Variants in HIPK2 observed in about 807,000 individuals in gnomAD.
The protein encoded by HIPK2 is homeodomain-interacting protein kinase 2.
HIPK2 carries 27 observed loss-of-function variants against 113.7 expected under a neutral mutation model. The observed-to-expected ratio is 0.24, with a 90% confidence interval of 0.17 to 0.33. The LOEUF (loss-of-function observed/expected upper bound fraction) is 0.33, where lower values mean the gene tolerates loss of function less well. HIPK2 is among the 10% of genes least tolerant of loss of function. The pLI, the probability that HIPK2 is intolerant of heterozygous loss-of-function variation, is 1.00. For missense variants in HIPK2, 1,257 were observed against 1,588.0 expected (o/e 0.79, Z 3.54); for synonymous variants, 631 against 642.2 (o/e 0.98, Z 0.26).
At chr7:139,673,072 A>G (rs1569470878) in intron 2 of HIPK2, among the ~76,000 whole-genome samples, 1 of 151,100 alleles carries the variant, frequency 6.6e-6, no homozygotes, top group Non-Finnish European at 1.5e-5. Context: ...TGGCTAGAAC[A>G]GTGGTGATTA....
In HIPK2 at chr7:139,562,201, A is replaced by G. The variant is rs922109802; in HGVS notation, c.*10726T>C. ...AATACTGTTGCACGCAATAATTTTC[A>G]CACAGATTAACATGGATTAACACTT... On this transcript the variant is annotated 3_prime_UTR_variant, in exon 15 of 15. Transcript: ENST00000406875. 9.2e-5 allele frequency: 14 copies of G among 152,268 alleles called. No homozygotes were observed. The highest frequency in any genetic ancestry group is 2.7e-4 in the African/African-American group (11 of 41,464). The allele number at this position is 152,268 out of a possible 1,614,324, so 9.4% of individuals were successfully genotyped here. A position where few individuals can be genotyped will look rare whatever the true frequency, so the allele number is the denominator to read the frequency against.
intron 1 of HIPK2, among the ~76,000 whole-genome samples, chr7:139,774,952 T>C (rs1352250146): frequency 6.6e-6 from 1 of 152,264 alleles, no homozygotes; most frequent in African/African-American, 2.4e-5. Flanking sequence ...CACCCATTAA[T>C]TGGTATTATC....
intron 5 of HIPK2, among the ~76,000 whole-genome samples, chr7:139,628,361 G>A (rs1413982904): frequency 6.6e-6 from 1 of 152,204 alleles, no homozygotes; most frequent in Non-Finnish European, 1.5e-5. Context: ...GGGTACTAAT[G>A]GGCTGGAATT....
At chr7:139,633,007 G>C (rs1040287298) in intron 2 of HIPK2, among the ~76,000 whole-genome samples, 4 of 148,196 alleles carry the variant, frequency 2.7e-5, no homozygotes, top group African/African-American at 9.9e-5. Flanking sequence ...GAGGCGGGAG[G>C]ATTGCTTGGA....
At chr7:139,646,515 A>G in intron 2 of HIPK2, among the ~76,000 whole-genome samples, 1 of 146,882 alleles carries the variant, frequency 6.8e-6, no homozygotes, top group African/African-American at 2.4e-5. Context: ...AAAAAAAAAA[A>G]AAAAGGAAAG....
chr7:139,751,994 C>G (rs899035377), intron 1 of HIPK2, among the ~76,000 whole-genome samples: 2 of 152,156 alleles, frequency 1.3e-5, no homozygotes, highest in African/African-American at 4.8e-5. Context: ...GCAGGCCAAC[C>G]AGAAAAGTTT....
At position 139,740,541 on chromosome 7, in the gene HIPK2, C is replaced by T. The variant is rs190147131; in HGVS notation, c.20-23526G>A. ...TTGCTGTCATCCACACACTGTGCTCCGGAAAGTGCCTGCTCAGAAACTGGC... is the reference window on the plus strand; with the variant it reads ...TTGCTGTCATCCACACACTGTGCTCTGGAAAGTGCCTGCTCAGAAACTGGC... On this transcript the variant is annotated intron_variant, in intron 1 of 14. Coordinates refer to ENST00000406875, the MANE Select transcript of HIPK2 (RefSeq NM_022740.5). 7.2e-4 allele frequency among the ~76,000 whole-genome samples: 109 copies of T among 152,292 alleles called. 1 individual carries two copies. The highest frequency in any genetic ancestry group is 2.5e-3 in the African/African-American group (102 of 41,558).
intron 1 of HIPK2, 85 bp from the exon 2 acceptor site, chr7:139,717,100 T>C (rs1347785835): frequency 2.0e-6 from 3 of 1,473,618 alleles, no homozygotes; most frequent in Middle Eastern, 1.8e-4. Context: ...TTCTCATCTG[T>C]GGCTTGGGCC....
chr7:139,695,363 C>T (rs1412657722), intron 2 of HIPK2, among the ~76,000 whole-genome samples: 1 of 152,160 alleles, frequency 6.6e-6, no homozygotes, highest in East Asian at 1.9e-4. Flanking sequence ...TGGCCCGGGG[C>T]TGCCTTTCAC....
chr7:139,721,498 G>A lies in HIPK2; in HGVS notation c.20-4483C>T, dbSNP rs374289273. ...AGGGACAATAAAGTGGGGGTGCAGA[G>A]GGGGACTCAATGTTTTTTTCCACTT... On this transcript the variant is annotated intron_variant, in intron 1 of 14. Transcript: ENST00000406875. Among the ~76,000 whole-genome samples the A allele has an allele frequency of 4.0e-4, 61 of 152,282 alleles. 2 individuals carry two copies. In the South Asian group the frequency reaches 0.013, roughly 32 times the overall value.
In HIPK2 at chr7:139,568,375, A is replaced by G. The variant is rs1798159337; in HGVS notation, c.*4552T>C. 1 of 152,402 alleles carries G rather than the reference A, an allele frequency of 6.6e-6. No individual in the cohort carries two copies. Among genetic ancestry groups the G allele is most frequent in the Admixed American group, 6.5e-5 (1 of 15,288 alleles). The allele number at this position is 152,402 out of a possible 1,614,324, so 9.4% of individuals were successfully genotyped here. ...CACTTCACAGTATTAACTGGCATCA[A>G]GCCTCGACTCTCCCACCCCTTGATC... On this transcript the variant is annotated 3_prime_UTR_variant, in exon 15 of 15. Transcript: ENST00000406875.
chr7:139,641,879 C>T (rs969920996), intron 2 of HIPK2, among the ~76,000 whole-genome samples: 5 of 152,320 alleles, frequency 3.3e-5, no homozygotes, highest in East Asian at 1.9e-4. Flanking sequence ...AGCGCACAGG[C>T]GGAGCTGTGC....
chr7:139,566,928 G>A lies in HIPK2; in HGVS notation c.*5999C>T, dbSNP rs1253606751. On this transcript the variant is annotated 3_prime_UTR_variant, in exon 15 of 15. Transcript: ENST00000406875. This position sits in a 1 kb window ranked among gnomAD's most constrained non-coding sequence, Gnocchi z 4.1. ...TGTTCTGGGACGGGAGCCCTGCAGGGGGCACTTCTCTGCAAACTCTCACTG... is the reference window on the plus strand; with the variant it reads ...TGTTCTGGGACGGGAGCCCTGCAGGAGGCACTTCTCTGCAAACTCTCACTG... 1 of 152,204 alleles carries A rather than the reference G, an allele frequency of 6.6e-6. No individual in the cohort carries two copies. The highest frequency in any genetic ancestry group is 1.5e-5 in the Non-Finnish European group (1 of 68,052). 9.4% of individuals were successfully genotyped at this position (152,204 alleles called of 1,614,324 possible).
intron 12 of HIPK2, among the ~76,000 whole-genome samples, chr7:139,595,433 G>C (rs1401211267): frequency 1.3e-5 from 2 of 152,172 alleles, no homozygotes; most frequent in African/African-American, 4.8e-5. Context: ...GCCATTTCTG[G>C]ACTAGGCAGA....
intron 2 of HIPK2, among the ~76,000 whole-genome samples, chr7:139,674,933 T>C (rs1370584321): frequency 3.9e-5 from 6 of 152,190 alleles, no homozygotes; most frequent in Admixed American, 6.5e-5. Context: ...GGAACAGCCA[T>C]CTCCGGACCT....
chr7:139,705,394 T>G (rs1019984614), intron 2 of HIPK2, among the ~76,000 whole-genome samples: 2 of 152,040 alleles, frequency 1.3e-5, no homozygotes, highest in Non-Finnish European at 2.9e-5. Flanking sequence ...TTTTTTTTTT[T>G]GAGACGGAGT....
Position 139,633,778 on chromosome 7 carries a change from C to G in HIPK2, c.1104-2053G>C, listed in dbSNP as rs527724773. Among the ~76,000 whole-genome samples the G allele has an allele frequency of 1.2e-4, 18 of 152,058 alleles. No homozygotes were observed. In the East Asian group the frequency reaches 3.3e-3, roughly 28 times the overall value. On this transcript the variant is annotated intron_variant, in intron 2 of 14. Transcript: ENST00000406875. ...TGGTCAACATGGTGAAACCCTGTCTCTACTAAAAATACAAAAATTAGCCAG... is the reference window on the plus strand; with the variant it reads ...TGGTCAACATGGTGAAACCCTGTCTGTACTAAAAATACAAAAATTAGCCAG...
At position 139,716,511 on chromosome 7, in the gene HIPK2, T is replaced by C; in HGVS notation, c.524A>G (p.Asn175Ser). Residue 175 changes from asparagine (N) to serine (S), a missense_variant, in exon 2 of 15, where the codon AAC becomes AGC. By Grantham distance (46) the Asn-to-Ser change is conservative. Coordinates refer to ENST00000406875, the MANE Select transcript of HIPK2 (RefSeq NM_022740.5). The surrounding 1 kb of genome is among the most constrained non-coding windows in gnomAD (Gnocchi z 9.3). ...TATTSTATSK[N>S]SGSNSEGDYQ... Reference sequence around the variant, plus strand: ...GTCGCCCTCGCTGTTGGAGCCGCTGTTTTTGGAGGTGGCAGTAGACGTGGT... The same window carrying C: ...GTCGCCCTCGCTGTTGGAGCCGCTGCTTTTGGAGGTGGCAGTAGACGTGGT... The C allele has an allele frequency of 6.2e-7, 1 of 1,614,002 alleles. No individual in the cohort carries two copies. The highest frequency in any genetic ancestry group is 8.5e-7 in the Non-Finnish European group (1 of 1,179,890).
At chr7:139,772,752 ATTTT>A (rs5887935) in intron 1 of HIPK2, among the ~76,000 whole-genome samples, 1 of 137,916 alleles carries the variant, frequency 7.3e-6, no homozygotes, top group Non-Finnish European at 1.6e-5. Context: ...ACGCCCAGCT[ATTTT>A]TTTTTTTTTT....
Sources: allele counts gnomAD v4.1 joint callset (sites outside exome capture counted in the v4.1 genomes callset), GRCh38; gene constraint gnomAD v4.1.1; non-coding constraint Gnocchi (gnomAD v3.1); transcripts MANE v1.5; gene names NCBI Gene and HGNC (gene_info 2026-07-23, HGNC 2026-07-21).